Variants in NPAS3 observed in about 807,000 individuals in gnomAD.
NPAS3 encodes the protein neuronal PAS domain protein 3.
In NPAS3, 14 loss-of-function variants were observed where a neutral mutation model predicts 73.1. The ratio of observed to expected loss-of-function variants is 0.19; its 90% CI spans 0.13 to 0.30. The LOEUF (loss-of-function observed/expected upper bound fraction) is 0.30, where lower values mean the gene tolerates loss of function less well. Ranked by LOEUF, NPAS3 falls within the 10% of genes least tolerant of loss-of-function variation. The pLI is 1.00. For missense variants in NPAS3, 1,096 were observed against 1,250.0 expected (o/e 0.88, Z 1.86); for synonymous variants, 620 against 541.5 (o/e 1.14, Z -2.01).
At chr14:33,802,395 A>G (rs1457780115), downstream of NPAS3, 10 of 151,000 alleles carry the variant, frequency 6.6e-5, no homozygotes, top group Non-Finnish European at 8.9e-5. Context: ...AAAAAAAGAA[A>G]AAAAAAAGAA....
chr14:33,503,420 A>G (rs1003864047), intron 4 of NPAS3, among the ~76,000 whole-genome samples: 23 of 151,970 alleles, frequency 1.5e-4, no homozygotes, highest in African/African-American at 5.3e-4. Context: ...ACATGTTTAC[A>G]TGTGGTAGTT....
At chr14:33,510,138 T>C (rs1299759138) in intron 4 of NPAS3, among the ~76,000 whole-genome samples, 1 of 151,986 alleles carries the variant, frequency 6.6e-6, no homozygotes, top group African/African-American at 2.4e-5. Context: ...TGCGATGTGG[T>C]GTGTGGTTGG....
chr14:33,493,357 T>C (rs2052000916), intron 4 of NPAS3, among the ~76,000 whole-genome samples: 1 of 151,606 alleles, frequency 6.6e-6, no homozygotes, highest in African/African-American at 2.4e-5. Flanking sequence ...TAATTTATAC[T>C]CTTGCCAGAG....
intron 1 of NPAS3, among the ~76,000 whole-genome samples, chr14:32,998,700 G>A (rs753325336): frequency 1.8e-4 from 27 of 152,094 alleles, no homozygotes; most frequent in Non-Finnish European, 3.1e-4. Context: ...CTCACCCATA[G>A]GGGAATAGTT....
intron 3 of NPAS3, among the ~76,000 whole-genome samples, chr14:33,324,375 A>G (rs772045536): frequency 6.6e-6 from 1 of 152,232 alleles, no homozygotes; most frequent in Non-Finnish European, 1.5e-5. Context: ...AATAATTAAC[A>G]ATAGCAATAA....
intron 4 of NPAS3, among the ~76,000 whole-genome samples, chr14:33,533,931 G>T (rs2054148460): frequency 6.6e-6 from 1 of 151,854 alleles, no homozygotes; most frequent in African/African-American, 2.4e-5. Context: ...CAAGTGAACA[G>T]GTATTTCCCT....
At chr14:33,384,392 T>C (rs114522391) in intron 4 of NPAS3, among the ~76,000 whole-genome samples, 3,392 of 151,792 alleles carry the variant, frequency 0.022, 126 homozygotes, top group African/African-American at 0.077. Context: ...TCTGTGTGTG[T>C]GTGTGTTTTT....
At chr14:32,938,525 A>AGAGAGAGAGAGAGAGAGAGAGAGAGAGGG (rs1566779564), upstream of NPAS3, among the ~76,000 whole-genome samples, 1 of 66,240 alleles carries the variant, frequency 1.5e-5, no homozygotes, top group Admixed American at 1.7e-4. Flanking sequence ...GAGAGAGAGA[A>AGAGAGAGAGAGAGAGAGAGAGAGAGAGGG]GGGGGGGGAG....
At chr14:33,396,016 C>T (rs535503694) in intron 4 of NPAS3, among the ~76,000 whole-genome samples, 1 of 152,258 alleles carries the variant, frequency 6.6e-6, no homozygotes, top group South Asian at 2.1e-4. Flanking sequence ...CCATTCCCTC[C>T]AGCCCCACCC....
At chr14:33,281,603 G>A (rs1239751650) in intron 3 of NPAS3, among the ~76,000 whole-genome samples, 1 of 152,188 alleles carries the variant, frequency 6.6e-6, no homozygotes, top group Non-Finnish European at 1.5e-5. Context: ...TTGCACTCCA[G>A]CGGTGCTGAT....
At chr14:32,939,151 G>A (rs891743566), upstream of NPAS3, 3 of 144,878 alleles carry the variant, frequency 2.1e-5, no homozygotes, top group Non-Finnish European at 4.2e-5. Context: ...CACGGCCACG[G>A]CCACGGCCCC....
chr14:33,678,548 ATACAGTGAAGAG>A (rs1462722230), intron 6 of NPAS3, among the ~76,000 whole-genome samples: 1 of 152,208 alleles, frequency 6.6e-6, no homozygotes. Flanking sequence ...CCCTCTAAAA[ATACAGTGAAGAG>A]AATAGCACAG....
intron 3 of NPAS3, among the ~76,000 whole-genome samples, chr14:33,360,129 C>T (rs1328274807): frequency 1.3e-5 from 2 of 152,192 alleles, no homozygotes; most frequent in Non-Finnish European, 2.9e-5. Flanking sequence ...GCTTCGCATC[C>T]CGAGTTCCCA....
intron 7 of NPAS3, among the ~76,000 whole-genome samples, chr14:33,746,903 C>T (rs2061822519): frequency 6.8e-6 from 1 of 146,002 alleles, no homozygotes; most frequent in African/African-American, 2.7e-5. Flanking sequence ...CGTCCCCCCA[C>T]CCCACCACAG....
chr14:33,137,833 G>T (rs1329246695), intron 2 of NPAS3, among the ~76,000 whole-genome samples: 1 of 152,086 alleles, frequency 6.6e-6, no homozygotes, highest in Non-Finnish European at 1.5e-5. Flanking sequence ...TCCCAAGTTT[G>T]GGAAATCTGT....
chr14:33,088,743 A>T (rs1595419093), intron 2 of NPAS3, among the ~76,000 whole-genome samples: 1 of 151,962 alleles, frequency 6.6e-6, no homozygotes, highest in South Asian at 2.1e-4. Flanking sequence ...TGGGTCTCTG[A>T]CCCCCGAGTA....
intron 3 of NPAS3, among the ~76,000 whole-genome samples, chr14:33,286,835 G>A (rs1241624802): frequency 6.6e-6 from 1 of 152,118 alleles, no homozygotes; most frequent in Non-Finnish European, 1.5e-5. Flanking sequence ...GATAGAAAAA[G>A]AAACAAAGGT....
intron 3 of NPAS3, among the ~76,000 whole-genome samples, chr14:33,251,679 T>G (rs1436533212): frequency 6.6e-6 from 1 of 151,954 alleles, no homozygotes; most frequent in African/African-American, 2.4e-5. Flanking sequence ...TCAGAACAAA[T>G]ATGAAAAAAA....
intron 6 of NPAS3, 75 bp from the exon 7 acceptor site, chr14:33,735,139 T>C (rs1287821373): frequency 4.1e-6 from 4 of 983,256 alleles, no homozygotes; most frequent in African/African-American, 3.2e-5. Flanking sequence ...AACTCAAGGA[T>C]TGCACCTGAG....
Sources: gnomAD v4.1 joint callset for allele counts (sites outside exome capture counted in the v4.1 genomes callset) on GRCh38, gnomAD v4.1.1 for gene constraint, MANE v1.5 for transcripts, NCBI Gene and HGNC (gene_info 2026-07-23, HGNC 2026-07-21) for gene names.